CEP192: variants seen among roughly 807,000 people sequenced by gnomAD.
CEP192 encodes the protein centrosomal protein 192.
In CEP192, 151 loss-of-function variants were observed where a neutral mutation model predicts 271.8. The ratio of observed to expected loss-of-function variants is 0.56; its 90% CI spans 0.49 to 0.64. CEP192 has a LOEUF of 0.64. Ranked by LOEUF, CEP192 falls within the 30% of genes least tolerant of loss-of-function variation. The probability of loss-of-function intolerance (pLI) is 0.00; values close to 1 mark genes in which losing one functional copy is unlikely to be tolerated. For missense variants in CEP192, 2,910 were observed against 3,020.5 expected (o/e 0.96, Z 0.86); for synonymous variants, 995 against 1,076.5 (o/e 0.92, Z 1.48).
At chr18:13,060,186 G>T (rs2037333075) in intron 21 of CEP192, among the ~76,000 whole-genome samples, 1 of 152,178 alleles carries the variant, frequency 6.6e-6, no homozygotes, top group Non-Finnish European at 1.5e-5. Flanking sequence ...TGCACGCCTA[G>T]ACCTTATGGG....
intron 36 of CEP192, 50 bp from the exon 37 acceptor site, chr18:13,099,426 G>C: frequency 3.4e-6 from 3 of 883,978 alleles, no homozygotes; most frequent in Non-Finnish European, 5.4e-6. Context: ...TGTGATTACT[G>C]CTGTTAAAAT....
chr18:13,079,488 G>GT (rs1438565574), intron 30 of CEP192, among the ~76,000 whole-genome samples: 1 of 152,124 alleles, frequency 6.6e-6, no homozygotes, highest in East Asian at 1.9e-4. Context: ...GGGGTTGTTT[G>GT]TTTTTTTCTT....
intron 39 of CEP192, 84 bp downstream of exon 39, chr18:13,103,672 T>C (rs1038343638): frequency 9.5e-7 from 1 of 1,055,312 alleles, no homozygotes; most frequent in Non-Finnish European, 1.5e-6. Flanking sequence ...TGAGCATAGG[T>C]TGATATTACT....
At chr18:12,995,053 A>ATTTTTTT (rs139962686) in intron 1 of CEP192, among the ~76,000 whole-genome samples, 2 of 88,244 alleles carry the variant, frequency 2.3e-5, no homozygotes, top group Non-Finnish European at 2.0e-5. Flanking sequence ...CATGGGAGGA[A>ATTTTTTT]TTTTTTTTTT....
intron 43 of CEP192, among the ~76,000 whole-genome samples, chr18:13,116,888 C>T (rs1258405860): frequency 3.9e-5 from 6 of 152,074 alleles, no homozygotes; most frequent in Middle Eastern, 3.4e-3. Flanking sequence ...GGATTACAGG[C>T]GTGTGCCACC....
intron 35 of CEP192, 105 bp from the exon 36 acceptor site, chr18:13,096,079 A>G (rs2144804494): frequency 1.7e-6 from 2 of 1,148,504 alleles, no homozygotes; most frequent in South Asian, 3.0e-5. Context: ...AGAAAGCAGT[A>G]GCATACTTGT....
At chr18:13,039,528 C>A (rs922209751) in intron 13 of CEP192, among the ~76,000 whole-genome samples, 2 of 151,910 alleles carry the variant, frequency 1.3e-5, no homozygotes, top group African/African-American at 4.8e-5. Flanking sequence ...TGACCTGGCC[C>A]TTGTCTGTGT....
chr18:13,075,691 T>A (rs779579261), intron 30 of CEP192, among the ~76,000 whole-genome samples: 1 of 152,210 alleles, frequency 6.6e-6, no homozygotes, highest in East Asian at 1.9e-4. Context: ...GTTACTGTTA[T>A]AGCAACACAA....
chr18:13,077,869 T>C (rs1013030848), intron 30 of CEP192, among the ~76,000 whole-genome samples: 2 of 152,224 alleles, frequency 1.3e-5, no homozygotes, highest in African/African-American at 2.4e-5. Flanking sequence ...TTAGATTCTA[T>C]AGTTAACATT....
rs146846843 is a variant in CEP192 at position 13,049,880 on chromosome 18, G to A, written c.3006G>A (p.Thr1002=). The A allele has an allele frequency of 6.4e-5, 104 of 1,613,704 alleles. No homozygotes were observed. Among genetic ancestry groups the A allele is most frequent in the Middle Eastern group, 4.9e-4 (3 of 6,082 alleles). The change falls in exon 17 of 45, where the codon ACG becomes ACA. Residue 1002 remains threonine, a synonymous_variant. Coordinates refer to ENST00000506447, the MANE Select transcript of CEP192 (RefSeq NM_032142.4). ...SHSSPSEISG[T]SSSGCALESF... ...CTTCTCCTAGTGAAATTTCTGGAAC[G>A]AGTTCATCAGGGTAAGTGTGTACCT...
chr18:13,073,105 C>T lies in CEP192; in HGVS notation c.5536C>T (p.Pro1846Ser). ...EDIFISVLFA[P>S]TRLSCMLARL... The stretch of plus-strand genomic sequence containing the variant: ...CATTTTCATCTCTGTATTATTTGCA[C>T]CTACTCGATTATCTTGCATGTTGGC... The change falls in exon 30 of 45, where the codon CCT (proline) becomes TCT (serine). Residue 1846 changes from proline (P) to serine (S), a missense_variant. Coordinates refer to ENST00000506447, the MANE Select transcript of CEP192 (RefSeq NM_032142.4). 1 of 1,613,888 alleles carries T rather than the reference C, an allele frequency of 6.2e-7. No homozygotes were observed. The highest frequency in any genetic ancestry group is 8.5e-7 in the Non-Finnish European group (1 of 1,179,898).
intron 34 of CEP192, among the ~76,000 whole-genome samples, chr18:13,095,215 T>A (rs906225133): frequency 6.6e-6 from 1 of 152,138 alleles, no homozygotes; most frequent in Non-Finnish European, 1.5e-5. Context: ...TTGCCCAGGC[T>A]GTTCTCAAAC....
chr18:13,107,883 C>CAAAAAAAAAAAAAAAAAAAAAAAAA (rs58195253), intron 40 of CEP192, among the ~76,000 whole-genome samples: 1 of 130,922 alleles, frequency 7.6e-6, no homozygotes, highest in Non-Finnish European at 1.7e-5. Context: ...ATAGTATCTC[C>CAAAAAAAAAAAAAAAAAAAAAAAAA]AAAAAAAAAA....
chr18:13,071,606 G>C (rs1306559792), intron 28 of CEP192, among the ~76,000 whole-genome samples: 2 of 152,194 alleles, frequency 1.3e-5, no homozygotes, highest in East Asian at 3.8e-4. Context: ...CCATGAAAGT[G>C]TTTTTAATGC....
At chr18:13,033,495 A>G (rs779661308) in intron 11 of CEP192, among the ~76,000 whole-genome samples, 10 of 152,182 alleles carry the variant, frequency 6.6e-5, no homozygotes, top group Non-Finnish European at 1.2e-4. Context: ...GTCTACCTAT[A>G]ATGACATTGC....
At position 13,052,950 on chromosome 18, in the gene CEP192, C is replaced by G; in HGVS notation, c.3049C>G (p.Gln1017Glu). Reference protein sequence around the residue: ...CALESFGSAAQQQQPPCEQEL... With the variant: ...CALESFGSAAEQQQPPCEQEL... ...GTTAGAGTCCTTTGGTTCAGCAGCT[C>G]AGCAGCAGCAGCCTCCCTGTGAGCA... Residue 1017 changes from glutamine to glutamate, a missense_variant, in exon 18 of 45, where the codon CAG (glutamine) becomes GAG (glutamate). Transcript: ENST00000506447. 6.2e-7 allele frequency: 1 copy of G among 1,606,926 alleles called. No homozygotes were observed. Among genetic ancestry groups the G allele is most frequent in the Non-Finnish European group, 8.5e-7 (1 of 1,175,638 alleles).
rs1436235795 is a variant in CEP192 at position 13,029,679 on chromosome 18, A to T, written c.1067A>T (p.Asp356Val). 2 of 1,513,406 alleles carry T rather than the reference A, an allele frequency of 1.3e-6. No homozygotes were observed. The highest frequency in any genetic ancestry group is 2.2e-5 in the Admixed American group (1 of 46,428). The allele number at this position is 1,513,406 out of a possible 1,614,324, so 93.7% of individuals were successfully genotyped here. Residue 356 changes from aspartate to valine, a missense_variant, in exon 10 of 45, where the codon GAT becomes GTT. Transcript: ENST00000506447. ...GTTTTAAAGGAATGTGCAAGTAAAG[A>T]TGTTCTGGTGAAGACCCTCAGGGCT... The part of the protein sequence containing the change: ...PDLNSECASK[D>V]VLVKTLRAID...
chr18:13,001,489 A>G lies in CEP192; in HGVS notation c.197A>G (p.Glu66Gly), dbSNP rs201553106. Reference sequence around the variant, plus strand: ...GATATCCAGGCATCTTACTTAGTAGAAGGGAGATTTTCAGTTCCATCCGGG... The same window carrying G: ...GATATCCAGGCATCTTACTTAGTAGGAGGGAGATTTTCAGTTCCATCCGGG... ...YPDIQASYLV[E>G]GRFSVPSGSS... The change falls in exon 3 of 45, where the codon GAA becomes GGA. Residue 66 changes from glutamate to glycine, a missense_variant. Coordinates refer to ENST00000506447, the MANE Select transcript of CEP192 (RefSeq NM_032142.4). The G allele has an allele frequency of 4.3e-4, 671 of 1,549,698 alleles. No individual in the cohort carries two copies. Among genetic ancestry groups the G allele is most frequent in the Non-Finnish European group, 5.6e-4 (637 of 1,145,490 alleles).
At chr18:12,997,016 G>A (rs2033290475) in intron 1 of CEP192, among the ~76,000 whole-genome samples, 1 of 152,126 alleles carries the variant, frequency 6.6e-6, no homozygotes, top group African/African-American at 2.4e-5. Flanking sequence ...GTGTGAGGTA[G>A]AGGAAGGCTT....
Sources: gnomAD v4.1 joint callset for allele counts (sites outside exome capture counted in the v4.1 genomes callset) on GRCh38, gnomAD v4.1.1 for gene constraint, MANE v1.5 for transcripts, NCBI Gene and HGNC (gene_info 2026-07-23, HGNC 2026-07-21) for gene names.